The following MAGI2 variants were observed in gnomAD, a reference collection of about 807,000 sequenced individuals.
MAGI2 encodes membrane-associated guanylate kinase, WW and PDZ domain-containing protein 2.
In MAGI2, 35 loss-of-function variants were observed where a neutral mutation model predicts 133.3. That is an observed-to-expected ratio of 0.26 (90% CI 0.20 to 0.35). MAGI2 has a LOEUF of 0.35. MAGI2 is among the 10% of genes least tolerant of loss of function. The pLI is 1.00. For missense variants in MAGI2, 1,636 were observed against 1,863.4 expected (o/e 0.88, Z 2.25); for synonymous variants, 729 against 710.6 (o/e 1.03, Z -0.41).
intron 1 of MAGI2, among the ~76,000 whole-genome samples, chr7:79,046,765 G>C (rs1334355840): frequency 1.3e-5 from 2 of 152,110 alleles, no homozygotes; most frequent in East Asian, 3.9e-4. Context: ...AATTAGGAGA[G>C]ACAACTAAAG....
intron 1 of MAGI2, among the ~76,000 whole-genome samples, chr7:79,162,064 A>AC (rs1443249736): frequency 6.6e-6 from 1 of 152,048 alleles, no homozygotes; most frequent in African/African-American, 2.4e-5. Flanking sequence ...TAGAAAAAAA[A>AC]AAGCAGCTCA....
At chr7:79,063,951 G>T (rs533312343) in intron 1 of MAGI2, among the ~76,000 whole-genome samples, 7 of 152,168 alleles carry the variant, frequency 4.6e-5, no homozygotes, top group African/African-American at 1.4e-4. Context: ...TTTGAATTGA[G>T]TTCTGGCATA....
At chr7:78,141,738 T>A (rs1822778124) in intron 16 of MAGI2, among the ~76,000 whole-genome samples, 2 of 152,120 alleles carry the variant, frequency 1.3e-5, no homozygotes, top group African/African-American at 2.4e-5. Flanking sequence ...CATTCTCTTG[T>A]GGTTGAACAG....
chr7:78,135,744 T>C (rs556285122), intron 16 of MAGI2, among the ~76,000 whole-genome samples: 1 of 36,322 alleles, frequency 2.8e-5, no homozygotes, highest in African/African-American at 1.5e-4. Flanking sequence ...AAGAAATATG[T>C]GTTAAATGGG....
At chr7:78,721,229 C>T (rs1049321262) in intron 2 of MAGI2, among the ~76,000 whole-genome samples, 3 of 151,966 alleles carry the variant, frequency 2.0e-5, no homozygotes, top group Non-Finnish European at 4.4e-5. Flanking sequence ...TTTTGTATAA[C>T]ATCTTTTAGG....
intron 2 of MAGI2, among the ~76,000 whole-genome samples, chr7:78,704,851 G>A (rs558335646): frequency 7.0e-6 from 1 of 142,618 alleles, no homozygotes; most frequent in African/African-American, 2.6e-5. Context: ...CATGACCTTG[G>A]CTCACTGCAA....
At chr7:79,075,252 G>C (rs1232938219) in intron 1 of MAGI2, among the ~76,000 whole-genome samples, 1 of 152,106 alleles carries the variant, frequency 6.6e-6, no homozygotes, top group Non-Finnish European at 1.5e-5. Flanking sequence ...TACTAACAGA[G>C]GGGAATGAAA....
intron 10 of MAGI2, among the ~76,000 whole-genome samples, chr7:78,204,997 G>A (rs1829600598): frequency 6.6e-6 from 1 of 152,220 alleles, no homozygotes; most frequent in African/African-American, 2.4e-5. Flanking sequence ...AGAGCATAGT[G>A]AGATGGGCAG....
At chr7:79,203,542 C>T (rs1274966110) in intron 1 of MAGI2, among the ~76,000 whole-genome samples, 1 of 151,952 alleles carries the variant, frequency 6.6e-6, no homozygotes, top group Non-Finnish European at 1.5e-5. Context: ...TTTGTTTTTA[C>T]TATGTTATAG....
chr7:78,785,332 A>G (rs1233838234), intron 2 of MAGI2, among the ~76,000 whole-genome samples: 1 of 152,212 alleles, frequency 6.6e-6, no homozygotes. Flanking sequence ...AGATTGGATC[A>G]TTTTATTTTA....
intron 21 of MAGI2, among the ~76,000 whole-genome samples, chr7:78,022,124 A>C (rs1449212780): frequency 2.0e-5 from 3 of 152,222 alleles, no homozygotes; most frequent in Non-Finnish European, 4.4e-5. Context: ...CTCAAAGGCA[A>C]ATATATCCAA....
intron 6 of MAGI2, among the ~76,000 whole-genome samples, chr7:78,388,302 C>CATG (rs1301292522): frequency 1.3e-5 from 2 of 152,058 alleles, no homozygotes; most frequent in East Asian, 3.9e-4. Context: ...TCATCGTCAT[C>CATG]ATCATCATCA....
At chr7:78,454,909 G>T (rs889036597) in intron 6 of MAGI2, among the ~76,000 whole-genome samples, 1 of 152,138 alleles carries the variant, frequency 6.6e-6, no homozygotes, top group East Asian at 1.9e-4. Context: ...GGTTGGAAAG[G>T]GAGAAGGGAT....
chr7:79,224,220 A>G (rs902624292), intron 1 of MAGI2, among the ~76,000 whole-genome samples: 1 of 152,066 alleles, frequency 6.6e-6, no homozygotes, highest in Middle Eastern at 3.4e-3. Flanking sequence ...TTTAGGTTCC[A>G]CTCTGATACC....
chr7:78,940,307 G>A (rs1440223442), intron 2 of MAGI2, among the ~76,000 whole-genome samples: 1 of 152,082 alleles, frequency 6.6e-6, no homozygotes, highest in African/African-American at 2.4e-5. Context: ...AATAATGATA[G>A]GGTCTTCATG....
intron 2 of MAGI2, among the ~76,000 whole-genome samples, chr7:78,972,117 A>G (rs187785155): frequency 2.3e-3 from 352 of 152,064 alleles, no homozygotes; most frequent in African/African-American, 8.0e-3. Flanking sequence ...TTAAAAATCT[A>G]TACTTCTAAA....
At chr7:78,361,351 C>T (rs1017890287) in intron 7 of MAGI2, among the ~76,000 whole-genome samples, 14 of 151,124 alleles carry the variant, frequency 9.3e-5, no homozygotes, top group Admixed American at 2.0e-4. Flanking sequence ...CAAGATCGTG[C>T]CACTGCACTC....
chr7:79,147,932 G>A (rs1353290758), intron 1 of MAGI2, among the ~76,000 whole-genome samples: 1 of 152,108 alleles, frequency 6.6e-6, no homozygotes. Context: ...TTAAGGTATC[G>A]TATCCACTGA....
intron 1 of MAGI2, among the ~76,000 whole-genome samples, chr7:79,246,388 T>G (rs180926647): frequency 2.6e-4 from 40 of 152,150 alleles, no homozygotes; most frequent in African/African-American, 8.4e-4. Context: ...TGAGGAAACT[T>G]GAGAAAACTC....
Sources: allele counts gnomAD v4.1 joint callset (sites outside exome capture counted in the v4.1 genomes callset), GRCh38; gene constraint gnomAD v4.1.1; transcripts MANE v1.5; gene names NCBI Gene and HGNC (gene_info 2026-07-23, HGNC 2026-07-21).